The following MYO3B variants were observed in gnomAD, a reference collection of about 807,000 sequenced individuals.
The protein encoded by MYO3B is myosin-IIIb.
MYO3B carries 156 observed loss-of-function variants against 174.6 expected under a neutral mutation model. The observed-to-expected ratio is 0.89, with a 90% confidence interval of 0.78 to 1.02. The LOEUF (loss-of-function observed/expected upper bound fraction) is 1.02, where lower values mean the gene tolerates loss of function less well. Ranked by LOEUF, MYO3B falls within the 50% of genes least tolerant of loss-of-function variation. The probability of loss-of-function intolerance (pLI) is 0.00; values close to 1 mark genes in which losing one functional copy is unlikely to be tolerated. For missense variants in MYO3B, 1,632 were observed against 1,639.4 expected (o/e 1.00, Z 0.08); for synonymous variants, 563 against 569.1 (o/e 0.99, Z 0.15).
chr2:170,446,096 C>T (rs2094840369), intron 23 of MYO3B, among the ~76,000 whole-genome samples: 2 of 152,228 alleles, frequency 1.3e-5, no homozygotes, highest in South Asian at 2.1e-4. Flanking sequence ...TCTTCTTTGA[C>T]ATCAGCTGGA....
intron 32 of MYO3B, among the ~76,000 whole-genome samples, chr2:170,639,363 G>C (rs1251829974): frequency 1.3e-5 from 2 of 152,094 alleles, no homozygotes; most frequent in African/African-American, 4.8e-5. Context: ...TTTCCCACTG[G>C]GTGCAGTTTG....
intron 25 of MYO3B, among the ~76,000 whole-genome samples, chr2:170,476,729 A>G (rs1319935108): frequency 1.3e-5 from 2 of 151,926 alleles, no homozygotes; most frequent in Non-Finnish European, 2.9e-5. Flanking sequence ...CCCAAAGGCA[A>G]TTTTTTGGGT....
chr2:170,194,409 G>A (rs1048669209), intron 1 of MYO3B, among the ~76,000 whole-genome samples: 5 of 151,916 alleles, frequency 3.3e-5, no homozygotes, highest in Admixed American at 6.6e-5. Context: ...AGAGGCTGAG[G>A]TGGGAGGATT....
intron 7 of MYO3B, among the ~76,000 whole-genome samples, chr2:170,326,914 G>A (rs1418373390): frequency 6.6e-6 from 1 of 152,190 alleles, no homozygotes; most frequent in Non-Finnish European, 1.5e-5. Flanking sequence ...ATTGGTGCTG[G>A]GCTGGAAAGC....
At chr2:170,467,945 A>G (rs1290292597) in intron 25 of MYO3B, among the ~76,000 whole-genome samples, 1 of 152,118 alleles carries the variant, frequency 6.6e-6, no homozygotes, top group Non-Finnish European at 1.5e-5. Context: ...CAAGAAAAAA[A>G]ATTTAGCACA....
At chr2:170,642,211 T>A (rs1698028978) in intron 32 of MYO3B, among the ~76,000 whole-genome samples, 1 of 152,036 alleles carries the variant, frequency 6.6e-6, no homozygotes, top group Non-Finnish European at 1.5e-5. Context: ...CATTCATTCA[T>A]TCTTCATTCA....
At chr2:170,416,818 G>GTTT (rs552594236) in intron 22 of MYO3B, among the ~76,000 whole-genome samples, 69 of 116,118 alleles carry the variant, frequency 5.9e-4, no homozygotes, top group African/African-American at 1.8e-3. Context: ...TTTTTCTGTT[G>GTTT]TTTTTTTTTT....
intron 32 of MYO3B, among the ~76,000 whole-genome samples, chr2:170,566,648 G>C (rs1692095362): frequency 1.3e-5 from 2 of 151,928 alleles, no homozygotes; most frequent in Non-Finnish European, 2.9e-5. Context: ...TTAAAATATT[G>C]AAATCTCTGG....
intron 8 of MYO3B, among the ~76,000 whole-genome samples, chr2:170,367,518 G>A (rs2094207850): frequency 6.6e-6 from 1 of 152,134 alleles, no homozygotes; most frequent in African/African-American, 2.4e-5. Flanking sequence ...ACTCTCAGAG[G>A]ACATAGGGGC....
chr2:170,510,728 C>A (rs116039591), intron 28 of MYO3B, among the ~76,000 whole-genome samples: 140 of 151,950 alleles, frequency 9.2e-4, no homozygotes, highest in African/African-American at 3.2e-3. Context: ...ACATCCACCC[C>A]CCTCACCCTC....
At chr2:170,304,455 C>CTTTTTTTTTTTTT (rs2093686589) in intron 7 of MYO3B, among the ~76,000 whole-genome samples, 1 of 146,764 alleles carries the variant, frequency 6.8e-6, no homozygotes. Context: ...ATTTTTTTTT[C>CTTTTTTTTTTTTT]TTTTTTCTTT....
chr2:170,235,691 C>A (rs1185123692), intron 6 of MYO3B, among the ~76,000 whole-genome samples: 1 of 152,156 alleles, frequency 6.6e-6, no homozygotes, highest in South Asian at 2.1e-4. Context: ...TAAAGAATAG[C>A]AGGGTTGGGA....
At chr2:170,554,239 C>A (rs1331307502) in intron 32 of MYO3B, among the ~76,000 whole-genome samples, 1 of 152,178 alleles carries the variant, frequency 6.6e-6, no homozygotes, top group Non-Finnish European at 1.5e-5. Flanking sequence ...TTTACCTCAA[C>A]TGAGGGCTCT....
intron 7 of MYO3B, among the ~76,000 whole-genome samples, chr2:170,260,594 G>T (rs2093338339): frequency 6.6e-6 from 1 of 152,166 alleles, no homozygotes; most frequent in South Asian, 2.1e-4. Flanking sequence ...CCACCTATTG[G>T]GTACTGTGCT....
chr2:170,289,308 G>A (rs191465186), intron 7 of MYO3B, among the ~76,000 whole-genome samples: 42 of 152,184 alleles, frequency 2.8e-4, no homozygotes, highest in Middle Eastern at 3.4e-3. Context: ...TTCTTTAAAT[G>A]TTTGGTAGAA....
Position 170,572,082 on chromosome 2 carries a change from G to A in MYO3B, c.3733+28094G>A, listed in dbSNP as rs189121591. 3.3e-5 allele frequency among the ~76,000 whole-genome samples: 5 copies of A among 152,236 alleles called. 1 individual carries two copies. The East Asian group carries it at 9.7e-4, about 29-fold the overall frequency. On this transcript the variant is annotated intron_variant, in intron 32 of 34. Coordinates refer to ENST00000408978, the MANE Select transcript of MYO3B (RefSeq NM_138995.5). ...AATCCCAGCACTTTGGGAGGCTGAG[G>A]CAGGTAGATTGCTTGAGCTCAGGAG...
intron 32 of MYO3B, among the ~76,000 whole-genome samples, chr2:170,576,348 G>A (rs1692780681): frequency 6.6e-6 from 1 of 152,158 alleles, no homozygotes; most frequent in Admixed American, 6.5e-5. Context: ...CTGGGAGTAT[G>A]GGGACCCTGC....
At chr2:170,423,208 C>G (rs2094631810) in intron 22 of MYO3B, among the ~76,000 whole-genome samples, 2 of 151,594 alleles carry the variant, frequency 1.3e-5, no homozygotes, top group African/African-American at 4.8e-5. Flanking sequence ...GTCTTGAACT[C>G]CAGACCTCAG....
At chr2:170,520,526 C>G (rs1467033822) in intron 30 of MYO3B, among the ~76,000 whole-genome samples, 1 of 151,136 alleles carries the variant, frequency 6.6e-6, no homozygotes, top group Non-Finnish European at 1.5e-5. Flanking sequence ...TATATATAAT[C>G]TCATTTGGGG....
Sources: allele counts gnomAD v4.1 joint callset (sites outside exome capture counted in the v4.1 genomes callset), GRCh38; gene constraint gnomAD v4.1.1; transcripts MANE v1.5; gene names NCBI Gene and HGNC (gene_info 2026-07-23, HGNC 2026-07-21).